The following CCDC3 variants were observed in gnomAD, a reference collection of about 807,000 sequenced individuals.
CCDC3 encodes coiled-coil domain containing 3.
A neutral mutation model predicts 21.4 loss-of-function variants in CCDC3; 24 were observed. That is an observed-to-expected ratio of 1.12 (90% CI 0.81 to 1.58). The LOEUF (loss-of-function observed/expected upper bound fraction) is 1.58, where lower values mean the gene tolerates loss of function less well. Ranked by LOEUF, CCDC3 falls within the 40% of genes most tolerant of loss-of-function variation. The pLI is 0.00. For missense variants in CCDC3, 425 were observed against 360.9 expected, an observed-to-expected ratio of 1.18 and a Z score of -1.44; for synonymous variants, 186 against 166.0, an observed-to-expected ratio of 1.12 and a Z score of -0.93.
At chr10:12,952,295 G>A (rs1479150402) in intron 2 of CCDC3, among the ~76,000 whole-genome samples, 1 of 152,156 alleles carries the variant, frequency 6.6e-6, no homozygotes, top group Non-Finnish European at 1.5e-5. Flanking sequence ...ATAAATATTA[G>A]CTCAGCAAAT....
Position 12,898,586 on chromosome 10 carries a change from G to C in CCDC3, c.643C>G (p.Arg215Gly). Residue 215 changes from arginine (R) to glycine (G), a missense_variant, in exon 3 of 3, where the codon CGG becomes GGG. By Grantham distance (125) the Arg-to-Gly change is moderately radical (BLOSUM62 -2). Coordinates refer to ENST00000378825, the MANE Select transcript of CCDC3 (RefSeq NM_031455.4). The stretch of plus-strand genomic sequence containing the variant: ...TTCTTCACTCGCTCCCGGAGCTGCC[G>C]GTTGCGCTTCTCCAGGGTGGCCACT... ...QKVATLEKRN[R>G]QLRERVKKVK... 1 of 1,614,210 alleles carries C rather than the reference G, an allele frequency of 6.2e-7. No homozygotes were observed. The highest frequency in any genetic ancestry group is 8.5e-7 in the Non-Finnish European group (1 of 1,180,028).
intron 2 of CCDC3, among the ~76,000 whole-genome samples, chr10:12,955,946 G>T (rs2131252427): frequency 6.6e-6 from 1 of 152,182 alleles, no homozygotes; most frequent in East Asian, 1.9e-4. Flanking sequence ...GACCTCAAGT[G>T]ACCTGCCTGC....
intron 3 of CCDC3, among the ~76,000 whole-genome samples, chr10:13,079,311 G>T (rs892374640): frequency 9.2e-5 from 14 of 152,164 alleles, no homozygotes; most frequent in Non-Finnish European, 1.5e-4. Flanking sequence ...GACCCACCTG[G>T]TGTGATGAAT....
intron 2 of CCDC3, among the ~76,000 whole-genome samples, chr10:12,983,130 G>GTATATATATATA (rs57120940): frequency 6.9e-5 from 2 of 29,052 alleles, no homozygotes; most frequent in Non-Finnish European, 1.2e-4. Flanking sequence ...ATAAAATAGT[G>GTATATATATATA]TATATATATA....
At chr10:12,918,611 G>T (rs910838089) in intron 2 of CCDC3, among the ~76,000 whole-genome samples, 2 of 152,180 alleles carry the variant, frequency 1.3e-5, no homozygotes, top group African/African-American at 4.8e-5. Flanking sequence ...ATAACAGGAT[G>T]ATCACTGAAA....
intron 3 of CCDC3, among the ~76,000 whole-genome samples, chr10:13,077,889 C>A (rs1836985836): frequency 6.6e-6 from 1 of 152,240 alleles, no homozygotes; most frequent in African/African-American, 2.4e-5. Context: ...AATGTTAGAC[C>A]TAAAACCATA....
chr10:13,084,469 A>G (rs903585519), intron 3 of CCDC3, among the ~76,000 whole-genome samples: 2 of 151,874 alleles, frequency 1.3e-5, no homozygotes, highest in African/African-American at 4.8e-5. Flanking sequence ...TGTATTTTTA[A>G]TAGAGACAGG....
At chr10:13,020,224 G>T (rs1028732499) in intron 5 of CCDC3, among the ~76,000 whole-genome samples, 4 of 152,138 alleles carry the variant, frequency 2.6e-5, no homozygotes, top group African/African-American at 9.7e-5. Context: ...CATGAGTGGC[G>T]ATGGTTTACA....
chr10:13,041,568 C>G (rs1313015257), intron 5 of CCDC3, among the ~76,000 whole-genome samples: 1 of 118,548 alleles, frequency 8.4e-6, no homozygotes, highest in Non-Finnish European at 1.6e-5. Flanking sequence ...CTCTGTCGCC[C>G]AGGCTGGAGT....
intron 4 of CCDC3, among the ~76,000 whole-genome samples, chr10:13,052,244 C>T (rs1366490799): frequency 1.3e-5 from 2 of 151,984 alleles, no homozygotes; most frequent in East Asian, 1.9e-4. Context: ...TATGGTGGCA[C>T]GTGCCTATAG....
At chr10:12,958,232 A>G (rs1351949070) in intron 2 of CCDC3, among the ~76,000 whole-genome samples, 1 of 152,206 alleles carries the variant, frequency 6.6e-6, no homozygotes, top group Non-Finnish European at 1.5e-5. Context: ...AAAAAACCCA[A>G]CAACCCAAGA....
At chr10:12,982,681 C>T (rs1011361313) in intron 2 of CCDC3, among the ~76,000 whole-genome samples, 3 of 148,338 alleles carry the variant, frequency 2.0e-5, no homozygotes, top group Admixed American at 1.4e-4. Context: ...GTAATCCCAG[C>T]TACTCAGGAG....
At chr10:12,910,611 A>AAAAAT (rs1554753179) in intron 2 of CCDC3, among the ~76,000 whole-genome samples, 4 of 105,218 alleles carry the variant, frequency 3.8e-5, no homozygotes, top group East Asian at 5.2e-4. Context: ...AAAAAAAAAA[A>AAAAAT]TTTTTTTTTT....
At chr10:12,991,129 C>T (rs1197578424) in intron 2 of CCDC3, among the ~76,000 whole-genome samples, 2 of 152,138 alleles carry the variant, frequency 1.3e-5, no homozygotes, top group African/African-American at 4.8e-5. Context: ...AGAGCCCTTT[C>T]TGAAAAATGT....
intron 2 of CCDC3, among the ~76,000 whole-genome samples, chr10:12,931,285 C>A (rs1834637932): frequency 1.3e-5 from 2 of 151,568 alleles, no homozygotes; most frequent in South Asian, 4.2e-4. Context: ...GAATGGTGTC[C>A]ACTCAACATG....
chr10:13,097,755 C>G (rs1832646440), intron 3 of CCDC3, among the ~76,000 whole-genome samples: 1 of 152,106 alleles, frequency 6.6e-6, no homozygotes. Context: ...GGGGCAAGCT[C>G]TGCTTTAGAG....
intron 2 of CCDC3, among the ~76,000 whole-genome samples, chr10:12,962,732 C>T (rs1459256477): frequency 6.6e-6 from 1 of 152,116 alleles, no homozygotes; most frequent in African/African-American, 2.4e-5. Context: ...TATAAAATGA[C>T]ATCAAACATT....
intron 2 of CCDC3, among the ~76,000 whole-genome samples, chr10:12,918,329 C>G (rs1170474723): frequency 1.3e-5 from 2 of 152,196 alleles, no homozygotes; most frequent in African/African-American, 4.8e-5. Context: ...CTATAAAGAT[C>G]TTAAAATATA....
chr10:12,922,087 C>CA (rs765324278), intron 2 of CCDC3, among the ~76,000 whole-genome samples: 92 of 152,340 alleles, frequency 6.0e-4, no homozygotes, highest in Middle Eastern at 6.8e-3. Flanking sequence ...TCACGTTATA[C>CA]AAACATTACC....
Sources: gnomAD v4.1 joint callset for allele counts (sites outside exome capture counted in the v4.1 genomes callset) on GRCh38, gnomAD v4.1.1 for gene constraint, MANE v1.5 for transcripts, NCBI Gene and HGNC (gene_info 2026-07-23, HGNC 2026-07-21) for gene names.